The following OPALIN variants were observed in gnomAD, a reference collection of about 807,000 sequenced individuals.
OPALIN encodes transmembrane protein 10.
A neutral mutation model predicts 17.8 loss-of-function variants in OPALIN; 15 were observed. The observed-to-expected ratio is 0.84, with a 90% CI of 0.56 to 1.29. The LOEUF (loss-of-function observed/expected upper bound fraction) is 1.29. Among genes scored for constraint, OPALIN ranks in the 50% most tolerant of loss-of-function variants. The pLI is 0.00. For missense variants in OPALIN, 170 were observed against 176.0 expected (o/e 0.97, Z 0.19); for synonymous variants, 62 against 63.8 (o/e 0.97, Z 0.14).
intron 5 of OPALIN, among the ~76,000 whole-genome samples, chr10:96,346,572 C>G (rs1210502699): frequency 2.0e-5 from 3 of 152,150 alleles, no homozygotes; most frequent in Non-Finnish European, 4.4e-5. Flanking sequence ...GGGTTTAAAT[C>G]TACCATCTTG....
chr10:96,355,577 C>G (rs916145137), intron 1 of OPALIN, among the ~76,000 whole-genome samples: 3 of 152,192 alleles, frequency 2.0e-5, no homozygotes, highest in Non-Finnish European at 4.4e-5. Context: ...TCTGAGGGGT[C>G]CCATTCACAA....
rs1845287593 is a variant in OPALIN at position 96,345,799 on chromosome 10, A to G, written c.*142T>C. The G allele has an allele frequency of 2.7e-6, 2 of 750,590 alleles. No homozygotes were observed. The highest frequency in any genetic ancestry group is 3.5e-5 in the African/African-American group (2 of 56,972). The allele number at this position is 750,590 out of a possible 1,614,324, so 46.5% of individuals were successfully genotyped here. On this transcript the variant is annotated 3_prime_UTR_variant, in exon 6 of 6. Transcript: ENST00000371172. ...TTGGGGATGTCCCCTAAAGAGACAA[A>G]TCAGCCCCAAAGTGTTCCAGAGCTG...
rs1272190494 is a variant in OPALIN at position 96,349,919 on chromosome 10, C to T, written c.73-93G>A. The T allele has an allele frequency of 1.2e-5, 16 of 1,325,004 alleles. 1 individual carries two copies. The highest frequency in any genetic ancestry group is 2.6e-4 in the Middle Eastern group (1 of 3,920). The allele number at this position is 1,325,004 out of a possible 1,614,324, so 82.1% of individuals were successfully genotyped here. A position where few individuals can be genotyped will look rare whatever the true frequency, so the allele number is the denominator to read the frequency against. ...ATAGAATAAAAATAAAACAAAAAATCTGCATGGATCATAAACGTCATATAC... is the reference window on the plus strand; with the variant it reads ...ATAGAATAAAAATAAAACAAAAAATTTGCATGGATCATAAACGTCATATAC... On this transcript the variant is annotated intron_variant, in intron 3 of 5. Transcript: ENST00000371172.
chr10:96,350,630 G>T (rs537664562), intron 3 of OPALIN, among the ~76,000 whole-genome samples: 1 of 152,154 alleles, frequency 6.6e-6, no homozygotes, highest in Non-Finnish European at 1.5e-5. Context: ...AAACCTGCAC[G>T]TTGTGCACAT....
At chr10:96,357,031 T>C (rs1845850484) in intron 1 of OPALIN, 1 of 985,416 alleles carries the variant, frequency 1.0e-6, no homozygotes, top group African/African-American at 1.7e-5. Flanking sequence ...GCTTCTGGGA[T>C]GACGGTGGAA....
chr10:96,343,502 C>T lies in OPALIN; in HGVS notation c.*2439G>A, dbSNP rs1462063452. The T allele has an allele frequency of 6.6e-6, 1 of 152,202 alleles. No individual in the cohort carries two copies. Among genetic ancestry groups the T allele is most frequent in the Non-Finnish European group, 1.5e-5 (1 of 68,054 alleles). The allele number at this position is 152,202 out of a possible 1,614,324, so 9.4% of individuals were successfully genotyped here. ...GATGGAGGATGAGAACTGCTGTCTC[C>T]ACTTTACAAGTACAGAACTGAGGCT... On this transcript the variant is annotated 3_prime_UTR_variant, in exon 6 of 6. Transcript: ENST00000371172.
chr10:96,348,398 GT>G, intron 4 of OPALIN, 53 bp from the exon 5 acceptor site: 1 of 903,610 alleles, frequency 1.1e-6, no homozygotes, highest in Non-Finnish European at 1.8e-6. Context: ...GAAGTGAAGG[GT>G]TATAGCATTT....
chr10:96,357,221 T>A (rs1487075642), intron 1 of OPALIN: 38 of 939,674 alleles, frequency 4.0e-5, no homozygotes, highest in Non-Finnish European at 4.8e-5. Flanking sequence ...TCAGCAGCCC[T>A]AAGACAAAGC....
At chr10:96,348,376 A>G (rs1292725869) in intron 4 of OPALIN, 31 bp from the exon 5 acceptor site, 2 of 1,078,906 alleles carry the variant, frequency 1.9e-6, no homozygotes. Context: ...TAATAAAAGA[A>G]AGAAAGAAGA....
At chr10:96,354,481 A>T (rs563130904) in intron 2 of OPALIN, among the ~76,000 whole-genome samples, 1 of 152,352 alleles carries the variant, frequency 6.6e-6, no homozygotes, top group Non-Finnish European at 1.5e-5. Flanking sequence ...ACTTGAAAAA[A>T]TATTATGCGA....
rs373261976 is a variant in OPALIN at position 96,346,009 on chromosome 10, G to A, written c.358C>T (p.Arg120Cys). Residue 120 changes from arginine (R) to cysteine (C), a missense_variant, in exon 6 of 6, where the codon CGT (arginine) becomes TGT (cysteine). Arg to Cys is a radical substitution (Grantham distance 180). Coordinates refer to ENST00000371172, the MANE Select transcript of OPALIN (RefSeq NM_033207.5). ...CTTCTTTCCATTTCTATAGTAGGAC[G>A]GTAACGGTCATGCACAGGTTCCTCG... ...GSEEPVHDRY[R>C]PTIEMERRRG... is the part of the protein sequence containing the mutation. The A allele has an allele frequency of 3.9e-5, 63 of 1,613,976 alleles. No individual in the cohort carries two copies. Among genetic ancestry groups the A allele is most frequent in the Non-Finnish European group, 4.8e-5 (57 of 1,179,998 alleles).
chr10:96,348,436 C>T, intron 4 of OPALIN, 91 bp from the exon 5 acceptor site: 1 of 608,690 alleles, frequency 1.6e-6, no homozygotes, highest in South Asian at 2.5e-5. Context: ...AAAATCAGTG[C>T]TTTTTAAATC....
In OPALIN at chr10:96,348,364, A is replaced by G. The variant is rs202160377; in HGVS notation, c.193-19T>C. The stretch of plus-strand genomic sequence containing the variant: ...CACTTTCCTAAATTGGAAAAAATAT[A>G]ATAATAAAAGAAAGAAAGAAGAAGA... On this transcript the variant is annotated intron_variant, in intron 4 of 5. Transcript: ENST00000371172. 165 of 1,250,858 alleles carry G rather than the reference A, an allele frequency of 1.3e-4. No individual in the cohort carries two copies. Among genetic ancestry groups the G allele is most frequent in the East Asian group, 4.2e-4 (18 of 42,888 alleles). 77.5% of individuals were successfully genotyped at this position (1,250,858 alleles called of 1,614,324 possible). A position where few individuals can be genotyped will look rare whatever the true frequency, so the allele number is the denominator to read the frequency against.
intron 2 of OPALIN, 64 bp downstream of exon 2, chr10:96,355,190 AC>A: frequency 7.2e-7 from 1 of 1,391,168 alleles, no homozygotes; most frequent in Non-Finnish European, 1.0e-6. Flanking sequence ...AGTTCTGGAG[AC>A]CTACTGTAAA....
chr10:96,353,363 G>T, intron 2 of OPALIN: 1 of 1,599,990 alleles, frequency 6.3e-7, no homozygotes, highest in Middle Eastern at 1.7e-4. Context: ...ACTTCCCAGG[G>T]CACTGGCATT....
chr10:96,346,156 A>G (rs1845314246), intron 5 of OPALIN, 39 bp from the exon 6 acceptor site: 2 of 1,589,812 alleles, frequency 1.3e-6, no homozygotes, highest in Non-Finnish European at 1.7e-6. Flanking sequence ...ACTACAGCAG[A>G]GAATTCTTTC....
In OPALIN at chr10:96,352,175, G is replaced by A. The variant is rs114060699; in HGVS notation, c.40-765C>T. On this transcript the variant is annotated intron_variant, in intron 2 of 5. Transcript: ENST00000371172. ...AGGGATAGTAGTAGCTGCCTCTAGG[G>A]TTATTAGGAGGATTGAATGAGGAGC... is the stretch of plus-strand genomic sequence containing the variant. Among the ~76,000 whole-genome samples the A allele has an allele frequency of 5.0e-3, 764 of 152,186 alleles. 2 individuals are homozygous for A. Among genetic ancestry groups the A allele is most frequent in the African/African-American group, 0.017 (711 of 41,526 alleles).
chr10:96,350,979 A>G (rs1222292269), intron 3 of OPALIN, among the ~76,000 whole-genome samples: 2 of 152,246 alleles, frequency 1.3e-5, no homozygotes, highest in South Asian at 2.1e-4. Flanking sequence ...TTTTCACATG[A>G]GGAATACACC....
intron 4 of OPALIN, 96 bp from the exon 5 acceptor site, chr10:96,348,441 T>A: frequency 3.4e-6 from 2 of 595,688 alleles, no homozygotes; most frequent in Non-Finnish European, 5.7e-6. Flanking sequence ...CAGTGCTTTT[T>A]AAATCTGAGT....
Sources: allele counts gnomAD v4.1 joint callset (sites outside exome capture counted in the v4.1 genomes callset), GRCh38; gene constraint gnomAD v4.1.1; transcripts MANE v1.5; gene names NCBI Gene and HGNC (gene_info 2026-07-23, HGNC 2026-07-21).